The following SLC14A2 variants were observed in gnomAD, a reference collection of about 807,000 sequenced individuals.
The protein encoded by SLC14A2 is solute carrier family 14 member 2.
SLC14A2 carries 91 observed loss-of-function variants against 104.6 expected under a neutral mutation model. The observed-to-expected ratio is 0.87, with a 90% CI of 0.73 to 1.04. The LOEUF (loss-of-function observed/expected upper bound fraction) is 1.04, where lower values mean the gene tolerates loss of function less well. Among genes scored for constraint, SLC14A2 ranks in the 50% least tolerant of loss-of-function variants. The probability of loss-of-function intolerance (pLI) is 0.00; values close to 1 mark genes in which losing one functional copy is unlikely to be tolerated. For missense variants in SLC14A2, 1,189 were observed against 1,156.0 expected (o/e 1.03, Z -0.41); for synonymous variants, 476 against 466.4 (o/e 1.02, Z -0.27).
At chr18:45,575,499 A>G (rs1355851977) in intron 2 of SLC14A2, among the ~76,000 whole-genome samples, 1 of 152,066 alleles carries the variant, frequency 6.6e-6, no homozygotes, top group African/African-American at 2.4e-5. Context: ...CTTCACACAC[A>G]CTAGGCACCC....
upstream of SLC14A2, among the ~76,000 whole-genome samples, chr18:45,612,633 C>A (rs1278263158): frequency 6.6e-6 from 1 of 152,180 alleles, no homozygotes; most frequent in Non-Finnish European, 1.5e-5. Context: ...ATGAGAAAAC[C>A]AAGACACAGA....
intron 2 of SLC14A2, among the ~76,000 whole-genome samples, chr18:45,602,343 G>C (rs1599051775): frequency 1.3e-5 from 2 of 152,324 alleles, no homozygotes; most frequent in East Asian, 3.9e-4. Flanking sequence ...ATCTGCCCTG[G>C]AGAGGGATAG....
At chr18:45,486,593 C>T (rs1393744213) in intron 2 of SLC14A2, among the ~76,000 whole-genome samples, 2 of 152,114 alleles carry the variant, frequency 1.3e-5, no homozygotes, top group African/African-American at 4.8e-5. Context: ...AATTGGTCAC[C>T]AGCTGAGAAG....
At chr18:45,386,487 C>T (rs568826061) in intron 1 of SLC14A2, among the ~76,000 whole-genome samples, 53 of 152,260 alleles carry the variant, frequency 3.5e-4, no homozygotes, top group African/African-American at 1.2e-3. Flanking sequence ...CCCAAGCATT[C>T]CCTCTGTACC....
At chr18:45,449,099 A>T (rs936769037) in intron 1 of SLC14A2, among the ~76,000 whole-genome samples, 2 of 152,210 alleles carry the variant, frequency 1.3e-5, no homozygotes, top group African/African-American at 4.8e-5. Flanking sequence ...TTAACTGGCA[A>T]ATCAATGAGC....
At chr18:45,592,185 G>A (rs1002640447) in intron 2 of SLC14A2, among the ~76,000 whole-genome samples, 2 of 152,122 alleles carry the variant, frequency 1.3e-5, no homozygotes, top group Non-Finnish European at 2.9e-5. Context: ...GGGAGAATTA[G>A]GGCAGATATT....
In SLC14A2 at chr18:45,668,011, G is replaced by A. The variant is rs1423291080; in HGVS notation, c.1896G>A (p.Leu632=). The A allele has an allele frequency of 1.2e-6, 2 of 1,613,952 alleles. No individual in the cohort carries two copies. Among genetic ancestry groups the A allele is most frequent in the Non-Finnish European group, 1.7e-6 (2 of 1,180,020 alleles). ...TGTCCACCTTGACAGCCCTCATCCT[G>A]AGTCAGGACAAGTAAGTCCCAGAGG... ...TIMSTLTALI[L]SQDKSAIAAG... Residue 632 remains leucine, a synonymous_variant, in exon 14 of 20, where the codon CTG becomes CTA. Transcript: ENST00000255226.
At chr18:45,195,060 TCA>T in the SLC14A2 span, among the ~76,000 whole-genome samples, 1 of 152,190 alleles carries the variant, frequency 6.6e-6, no homozygotes, top group Non-Finnish European at 1.5e-5. Flanking sequence ...GGCAAACGTC[TCA>T]GTTTTTCTTG....
chr18:45,315,640 G>A (rs1289902433), intron 1 of SLC14A2, among the ~76,000 whole-genome samples: 1 of 152,120 alleles, frequency 6.6e-6, no homozygotes, highest in Non-Finnish European at 1.5e-5. Flanking sequence ...GAGTACTCCT[G>A]ACTGGGGGCT....
At chr18:45,676,864 G>A (rs1227241781) in intron 18 of SLC14A2, among the ~76,000 whole-genome samples, 1 of 152,220 alleles carries the variant, frequency 6.6e-6, no homozygotes, top group Non-Finnish European at 1.5e-5. Context: ...AGGTCTGCCT[G>A]ACTGTAAAAG....
chr18:45,527,008 A>G (rs993485009), intron 2 of SLC14A2, among the ~76,000 whole-genome samples: 3 of 152,244 alleles, frequency 2.0e-5, no homozygotes, highest in South Asian at 2.1e-4. Flanking sequence ...ACCTACAAGG[A>G]TCTTAGATGT....
intron 1 of SLC14A2, among the ~76,000 whole-genome samples, chr18:45,422,690 C>A (rs1005305252): frequency 6.6e-6 from 1 of 152,190 alleles, no homozygotes; most frequent in Non-Finnish European, 1.5e-5. Flanking sequence ...GACTGAGCCA[C>A]GGCCAGAACC....
intron 1 of SLC14A2, among the ~76,000 whole-genome samples, chr18:45,233,877 A>G (rs1245275589): frequency 2.0e-5 from 3 of 150,046 alleles, no homozygotes; most frequent in Admixed American, 1.3e-4. Context: ...TCTCACTTCC[A>G]CTCATTTGCC....
chr18:45,541,262 ACTGACAG>A (rs1360563234), intron 2 of SLC14A2, among the ~76,000 whole-genome samples: 1 of 152,158 alleles, frequency 6.6e-6, no homozygotes, highest in East Asian at 1.9e-4. Flanking sequence ...TGCTGCCACT[ACTGACAG>A]CATGATGAGC....
At chr18:45,352,295 C>A (rs1411877972) in intron 1 of SLC14A2, among the ~76,000 whole-genome samples, 2 of 152,074 alleles carry the variant, frequency 1.3e-5, no homozygotes, top group Admixed American at 1.3e-4. Context: ...AACCTGTACC[C>A]CTGTACCCCA....
At chr18:45,179,951 G>C in the SLC14A2 span, 1 of 152,112 alleles carries the variant, frequency 6.6e-6, no homozygotes, top group Non-Finnish European at 1.5e-5. Flanking sequence ...TTCGAGGCCA[G>C]CCTGGACATC....
At chr18:45,412,869 C>A (rs1471482733) in intron 1 of SLC14A2, among the ~76,000 whole-genome samples, 1 of 152,094 alleles carries the variant, frequency 6.6e-6, no homozygotes, top group Non-Finnish European at 1.5e-5. Context: ...GTGGCAAGCC[C>A]TAACTGAAGG....
intron 1 of SLC14A2, among the ~76,000 whole-genome samples, chr18:45,429,953 C>T (rs1415037984): frequency 1.3e-5 from 2 of 152,188 alleles, no homozygotes; most frequent in Non-Finnish European, 2.9e-5. Flanking sequence ...ATGTTTAAGG[C>T]TTTATGGAAA....
At chr18:45,517,821 A>G (rs2043463196) in intron 2 of SLC14A2, among the ~76,000 whole-genome samples, 1 of 152,184 alleles carries the variant, frequency 6.6e-6, no homozygotes, top group Admixed American at 6.5e-5. Flanking sequence ...GGGAGAAAAT[A>G]TTAGCTTAAG....
Sources: gnomAD v4.1 joint callset for allele counts (sites outside exome capture counted in the v4.1 genomes callset) on GRCh38, gnomAD v4.1.1 for gene constraint, MANE v1.5 for transcripts, NCBI Gene and HGNC (gene_info 2026-07-23, HGNC 2026-07-21) for gene names.